The following ROBO1 variants were observed in gnomAD, a reference collection of about 807,000 sequenced individuals.
ROBO1 encodes the protein roundabout guidance receptor 1.
ROBO1 carries 149 observed loss-of-function variants against 195.9 expected under a neutral mutation model. The ratio of observed to expected loss-of-function variants is 0.76; its 90% CI spans 0.67 to 0.87. The LOEUF (loss-of-function observed/expected upper bound fraction) is 0.87. Ranked by LOEUF, ROBO1 falls within the 40% of genes least tolerant of loss-of-function variation. The pLI is 0.00. For missense variants in ROBO1, 1,933 were observed against 2,068.3 expected (o/e 0.93, Z 1.27); for synonymous variants, 816 against 733.2 (o/e 1.11, Z -1.82).
intron 2 of ROBO1, among the ~76,000 whole-genome samples, chr3:79,175,681 G>A (rs1337390976): frequency 6.6e-6 from 1 of 152,062 alleles, no homozygotes; most frequent in Non-Finnish European, 1.5e-5. Context: ...TTTCTTCCAG[G>A]TGACTGCATA....
At chr3:78,874,936 C>T (rs1474689803) in intron 4 of ROBO1, among the ~76,000 whole-genome samples, 2 of 152,040 alleles carry the variant, frequency 1.3e-5, no homozygotes, top group South Asian at 2.1e-4. Context: ...CAACACCCAT[C>T]TGTTTCACTT....
At chr3:78,915,211 C>G (rs1480124263) in intron 4 of ROBO1, among the ~76,000 whole-genome samples, 2 of 152,092 alleles carry the variant, frequency 1.3e-5, no homozygotes, top group African/African-American at 4.8e-5. Flanking sequence ...GGTTTAGATT[C>G]AGACTTACCT....
intron 2 of ROBO1, among the ~76,000 whole-genome samples, chr3:79,456,792 A>C (rs2039632664): frequency 6.6e-6 from 1 of 152,116 alleles, no homozygotes; most frequent in African/African-American, 2.4e-5. Context: ...TGTCATTTTA[A>C]TCCTAATAAT....
At chr3:79,465,318 T>G (rs1038121522) in intron 2 of ROBO1, among the ~76,000 whole-genome samples, 2 of 152,100 alleles carry the variant, frequency 1.3e-5, no homozygotes, top group Non-Finnish European at 2.9e-5. Flanking sequence ...CTCAGAACTA[T>G]CGCAAAAAAG....
intron 2 of ROBO1, among the ~76,000 whole-genome samples, chr3:79,231,256 A>G (rs1377976847): frequency 2.0e-5 from 3 of 152,194 alleles, no homozygotes; most frequent in Non-Finnish European, 4.4e-5. Flanking sequence ...GCACAGCAAA[A>G]GACTGTTAGC....
At chr3:79,074,198 A>T (rs2079133583) in intron 3 of ROBO1, among the ~76,000 whole-genome samples, 1 of 151,820 alleles carries the variant, frequency 6.6e-6, no homozygotes, top group South Asian at 2.1e-4. Flanking sequence ...CAAGCCTTGG[A>T]TAACTTCCAA....
At chr3:79,715,744 AT>A (rs1336408096) in intron 1 of ROBO1, among the ~76,000 whole-genome samples, 2 of 151,918 alleles carry the variant, frequency 1.3e-5, no homozygotes, top group African/African-American at 4.8e-5. Context: ...CTCGGCTTTT[AT>A]TTTTCCTTGA....
At chr3:79,278,166 T>A (rs1439161723) in intron 2 of ROBO1, among the ~76,000 whole-genome samples, 1 of 151,652 alleles carries the variant, frequency 6.6e-6, no homozygotes, top group Non-Finnish European at 1.5e-5. Context: ...AATTGAAGAG[T>A]GTACAAACAA....
At chr3:79,179,117 C>T (rs907163088) in intron 2 of ROBO1, among the ~76,000 whole-genome samples, 4 of 152,078 alleles carry the variant, frequency 2.6e-5, no homozygotes, top group African/African-American at 9.7e-5. Flanking sequence ...AACGATGTTT[C>T]AAAGACCACT....
chr3:79,285,809 C>A (rs1172837340), intron 2 of ROBO1, among the ~76,000 whole-genome samples: 1 of 151,814 alleles, frequency 6.6e-6, no homozygotes, highest in African/African-American at 2.4e-5. Context: ...ATCTTTGAGA[C>A]AAATAGATGA....
intron 2 of ROBO1, among the ~76,000 whole-genome samples, chr3:79,472,735 A>G (rs932652051): frequency 3.9e-5 from 6 of 152,178 alleles, no homozygotes; most frequent in African/African-American, 9.6e-5. Flanking sequence ...GCTTTCAGCT[A>G]TCACAAGCAA....
At chr3:78,973,709 T>C (rs1346698572) in intron 3 of ROBO1, among the ~76,000 whole-genome samples, 2 of 151,332 alleles carry the variant, frequency 1.3e-5, no homozygotes, top group Non-Finnish European at 3.0e-5. Context: ...ATACTTTTCA[T>C]ATTTTTCAGT....
At chr3:78,831,828 G>T (rs2032240881) in intron 4 of ROBO1, among the ~76,000 whole-genome samples, 1 of 152,170 alleles carries the variant, frequency 6.6e-6, no homozygotes, top group African/African-American at 2.4e-5. Context: ...AGGGTGTACA[G>T]GGAACTCCCC....
intron 3 of ROBO1, among the ~76,000 whole-genome samples, chr3:78,962,697 G>A (rs994482785): frequency 6.6e-6 from 1 of 151,634 alleles, no homozygotes; most frequent in African/African-American, 2.4e-5. Flanking sequence ...TGGTGGCGGC[G>A]CCTGTAGTCC....
intron 2 of ROBO1, among the ~76,000 whole-genome samples, chr3:79,372,601 A>G (rs2036239767): frequency 6.6e-6 from 1 of 151,968 alleles, no homozygotes; most frequent in South Asian, 2.1e-4. Flanking sequence ...CCTACCCCTC[A>G]GAAAAATACA....
chr3:79,500,083 C>T (rs1037161747), intron 2 of ROBO1, among the ~76,000 whole-genome samples: 73 of 148,096 alleles, frequency 4.9e-4, no homozygotes, highest in African/African-American at 1.6e-3. Context: ...GCTGAGATTA[C>T]AGTCGTGAGC....
intron 3 of ROBO1, among the ~76,000 whole-genome samples, chr3:79,113,990 G>T (rs1313120681): frequency 1.3e-5 from 2 of 152,108 alleles, no homozygotes; most frequent in Non-Finnish European, 2.9e-5. Flanking sequence ...AATCATAGGG[G>T]TGTTTCACCC....
chr3:79,204,105 A>G (rs1306563554), intron 2 of ROBO1, among the ~76,000 whole-genome samples: 2 of 152,170 alleles, frequency 1.3e-5, no homozygotes, highest in East Asian at 1.9e-4. Context: ...CGATAGTTGT[A>G]CATATTTTTG....
intron 2 of ROBO1, among the ~76,000 whole-genome samples, chr3:79,140,855 AT>A (rs201593180): frequency 0.01 from 1,540 of 152,300 alleles, 25 homozygotes; most frequent in African/African-American, 0.033. Context: ...TTTACACGGA[AT>A]ACCCCACTGA....
Sources: gnomAD v4.1 joint callset for allele counts (sites outside exome capture counted in the v4.1 genomes callset) on GRCh38, gnomAD v4.1.1 for gene constraint, MANE v1.5 for transcripts, NCBI Gene and HGNC (gene_info 2026-07-23, HGNC 2026-07-21) for gene names.